The following CNGB1 variants were observed in gnomAD, a reference collection of about 807,000 sequenced individuals.
CNGB1 encodes cyclic nucleotide gated channel subunit beta 1, also known as cyclic nucleotide-gated channel beta-1.
CNGB1 carries 126 observed loss-of-function variants against 151.7 expected under a neutral mutation model. The observed-to-expected ratio is 0.83, with a 90% CI of 0.72 to 0.96. The LOEUF (loss-of-function observed/expected upper bound fraction) is 0.96. CNGB1 is among the 40% of genes least tolerant of loss of function. CNGB1 has a pLI of 0.00. For synonymous variants in CNGB1, 623 were observed against 635.1 expected, an observed-to-expected ratio of 0.98 and a Z score of 0.29; for missense variants, 1,698 against 1,627.0, an observed-to-expected ratio of 1.04 and a Z score of -0.75.
intron 4 of CNGB1, 92 bp downstream of exon 4, chr16:57,964,038 G>GCCCATCCCCACC (rs1962325808): frequency 8.4e-7 from 1 of 1,194,360 alleles, no homozygotes; most frequent in Non-Finnish European, 1.2e-6. Context: ...TAAGGGCAGT[G>GCCCATCCCCACC]CCCATCCCCA....
At chr16:57,903,127 G>C (rs1486210378) in intron 27 of CNGB1, among the ~76,000 whole-genome samples, 2 of 151,266 alleles carry the variant, frequency 1.3e-5, no homozygotes, top group Non-Finnish European at 2.9e-5. Flanking sequence ...AGAGGAGAGA[G>C]AGAGGGAAGG....
At chr16:57,950,268 G>A (rs1487162918) in intron 13 of CNGB1, 113 bp downstream of exon 13, 1 of 1,275,870 alleles carries the variant, frequency 7.8e-7, no homozygotes, top group Non-Finnish European at 1.1e-6. Context: ...GAAGGCAGGG[G>A]GAAGCAGGCT....
At chr16:57,960,443 C>T in intron 9 of CNGB1, 39 bp downstream of exon 9, 2 of 1,607,416 alleles carry the variant, frequency 1.2e-6, no homozygotes, top group South Asian at 1.1e-5. Flanking sequence ...AGCCCGTGAC[C>T]ATCCCAGGCA....
chr16:57,888,467 GTC>G (rs72091541), intron 31 of CNGB1, among the ~76,000 whole-genome samples: 21,733 of 146,750 alleles, frequency 0.15, 2,016 homozygotes, highest in African/African-American at 0.28. Context: ...CTCTGTCTCT[GTC>G]TCTCTCTCTC....
rs1007243328 is a variant in CNGB1, at chr16:57,922,292, G to T, written c.1643+981C>A. On this transcript the variant is annotated intron_variant, in intron 18 of 32. Transcript: ENST00000251102. ...ATTCCAGGCAGAGCCCAGGGCCCGG[G>T]TATTCGCCATCCACCAGAGCTTCTC... 2.0e-5 allele frequency among the ~76,000 whole-genome samples: 3 copies of T among 152,138 alleles called. No individual in the cohort carries two copies. The East Asian group carries it at 5.8e-4, about 29-fold the overall frequency.
chr16:57,884,293 C>T lies in CNGB1; in HGVS notation c.3627G>A (p.Glu1209=). ...SPPPASLGRP[E]GEEEGPAEPE... is the part of the protein sequence containing the mutation. ...GCTCGGCCGGCCCCTCCTCCTCTCC[C>T]TCCGGCCTCCCAAGGGAGGCAGGCG... The change falls in exon 33 of 33, where the codon GAG becomes GAA. Residue 1209 remains glutamate (E), a synonymous_variant. Coordinates refer to ENST00000251102, the MANE Select transcript of CNGB1 (RefSeq NM_001297.5). The T allele has an allele frequency of 1.2e-6, 2 of 1,613,360 alleles. No homozygotes were observed. The highest frequency in any genetic ancestry group is 1.7e-6 in the Non-Finnish European group (2 of 1,179,788).
At chr16:57,955,366 C>T (rs1478625410) in intron 12 of CNGB1, 1 of 1,551,594 alleles carries the variant, frequency 6.4e-7, no homozygotes, top group Admixed American at 2.0e-5. Flanking sequence ...GCTCCCATCA[C>T]CCCTGAAACA....
chr16:57,960,515 G>C lies in CNGB1; in HGVS notation c.550C>G (p.Pro184Ala), dbSNP rs1445275255. The C allele has an allele frequency of 3.1e-6, 5 of 1,613,758 alleles. No homozygotes were observed. Among genetic ancestry groups the C allele is most frequent in the Non-Finnish European group, 4.2e-6 (5 of 1,179,860 alleles). ...GAGGCAGCACCTGTAGCAACTGCAG[G>C]CTCATCTCTCCAGACCTGGGTGACA... is the stretch of plus-strand genomic sequence containing the variant. ...PKSSEVWRDE[P>A]AVATGAASDP... The change falls in exon 9 of 33, where the codon CCT (proline) becomes GCT (alanine). Residue 184 changes from proline (P) to alanine (A), a missense_variant. Pro to Ala is a conservative substitution (Grantham distance 27). Coordinates refer to ENST00000251102, the MANE Select transcript of CNGB1 (RefSeq NM_001297.5).
rs942158614 is a variant in CNGB1 at position 57,882,925 on chromosome 16, C to T, written c.*1239G>A. 1 of 151,928 alleles carries T rather than the reference C, an allele frequency of 6.6e-6. No individual in the cohort carries two copies. Among genetic ancestry groups the T allele is most frequent in the African/African-American group, 2.4e-5 (1 of 41,368 alleles). The allele number at this position is 151,928 out of a possible 1,614,324, so 9.4% of individuals were successfully genotyped here. A position where few individuals can be genotyped will look rare whatever the true frequency, so the allele number is the denominator to read the frequency against. ...GATTAATTGAAGTTGCTGCCACCAT[C>T]TCTACAGCGAGAGTGTCAAAAGTGA... On this transcript the variant is annotated 3_prime_UTR_variant, in exon 33 of 33. Coordinates refer to ENST00000251102, the MANE Select transcript of CNGB1 (RefSeq NM_001297.5).
At chr16:57,955,764 G>A (rs1177686440) in intron 12 of CNGB1, among the ~76,000 whole-genome samples, 1 of 151,454 alleles carries the variant, frequency 6.6e-6, no homozygotes, top group Non-Finnish European at 1.5e-5. Context: ...GGGCACTGGA[G>A]GACAGCCAGA....
intron 1 of CNGB1, among the ~76,000 whole-genome samples, chr16:57,970,675 G>A (rs2149391937): frequency 6.6e-6 from 1 of 152,260 alleles, no homozygotes; most frequent in Non-Finnish European, 1.5e-5. Flanking sequence ...CCTCCTAAAT[G>A]AGAATTTTTG....
chr16:57,937,802 G>A (rs1281876559), intron 16 of CNGB1, among the ~76,000 whole-genome samples: 2 of 152,212 alleles, frequency 1.3e-5, no homozygotes, highest in Non-Finnish European at 2.9e-5. Context: ...CAACTGGGCT[G>A]TGCATTGGAA....
At chr16:57,904,022 C>T (rs1322578999) in intron 26 of CNGB1, 41 bp from the exon 27 acceptor site, 2 of 1,593,952 alleles carry the variant, frequency 1.3e-6, no homozygotes, top group Non-Finnish European at 1.7e-6. Context: ...GCCACTGGGT[C>T]ATTGGGGGTG....
rs564971997 is a variant in CNGB1 at position 57,895,675 on chromosome 16, G to A, written c.3242+1722C>T. Among the ~76,000 whole-genome samples, 25 of 151,884 alleles carry A rather than the reference G, an allele frequency of 1.6e-4. No individual in the cohort carries two copies. The East Asian group carries it at 3.3e-3, about 20-fold the overall frequency. ...AATGACTGCTCCTAGGACTCAGATC[G>A]TGGTTTCTAAAAACCATCCCCCAGT... On this transcript the variant is annotated intron_variant, in intron 31 of 32. Transcript: ENST00000251102.
At chr16:57,933,945 ACTC>A (rs1961432873) in intron 16 of CNGB1, among the ~76,000 whole-genome samples, 1 of 147,792 alleles carries the variant, frequency 6.8e-6, no homozygotes, top group Non-Finnish European at 1.5e-5. Flanking sequence ...CTGGTCTTGA[ACTC>A]CTGATCTCAG....
chr16:57,892,320 A>C (rs1205565721), intron 31 of CNGB1, among the ~76,000 whole-genome samples: 1 of 152,166 alleles, frequency 6.6e-6, no homozygotes, highest in Non-Finnish European at 1.5e-5. Flanking sequence ...ATGAATCACA[A>C]GGGTCCACTC....
chr16:57,897,030 G>A (rs1418357566), intron 31 of CNGB1, among the ~76,000 whole-genome samples: 2 of 152,068 alleles, frequency 1.3e-5, no homozygotes, highest in Admixed American at 6.5e-5. Flanking sequence ...TAGGCCAGGC[G>A]CAGTGGCTCA....
At position 57,958,471 on chromosome 16, in the gene CNGB1, A is replaced by G; in HGVS notation, c.776T>C (p.Val259Ala). ...CAAGGCCATCTCCAGCCTGTGCAGGACCCATGCCACCAGCCTGCAGGTGGG... is the reference window on the plus strand; with the variant it reads ...CAAGGCCATCTCCAGCCTGTGCAGGGCCCATGCCACCAGCCTGCAGGTGGG... ...TRDPARLVAWVLHRLEMALPQ... is the reference protein window; with the variant it reads ...TRDPARLVAWALHRLEMALPQ... Residue 259 changes from valine to alanine, a missense_variant, in exon 11 of 33, where the codon GTC becomes GCC. Transcript: ENST00000251102. 6.2e-7 allele frequency: 1 copy of G among 1,614,050 alleles called. No homozygotes were observed.
intron 31 of CNGB1, among the ~76,000 whole-genome samples, chr16:57,895,491 A>T (rs554300977): frequency 2.1e-3 from 320 of 150,934 alleles, no homozygotes; most frequent in African/African-American, 7.3e-3. Flanking sequence ...AAGTTGGCAT[A>T]TACATGTATA....
Sources: gnomAD v4.1 joint callset for allele counts (sites outside exome capture counted in the v4.1 genomes callset) on GRCh38, gnomAD v4.1.1 for gene constraint, MANE v1.5 for transcripts, NCBI Gene and HGNC (gene_info 2026-07-23, HGNC 2026-07-21) for gene names.